C17orf75: variants seen among roughly 807,000 people sequenced by gnomAD.
C17orf75 encodes protein Njmu-R1.
A neutral mutation model predicts 49.6 loss-of-function variants in C17orf75; 32 were observed. That is an observed-to-expected ratio of 0.65 (90% CI 0.49 to 0.87). The LOEUF (loss-of-function observed/expected upper bound fraction) is 0.87. C17orf75 is among the 40% of genes least tolerant of loss of function. C17orf75 has a pLI of 0.00. For missense variants in C17orf75, 428 were observed against 473.9 expected (o/e 0.90, Z 0.90); for synonymous variants, 158 against 159.5 (o/e 0.99, Z 0.07).
In C17orf75 at chr17:32,331,615, T is replaced by TAA. The variant is rs1467625867; in HGVS notation, c.*146_*147dup. The TAA allele has an allele frequency of 1.5e-6, 1 of 671,836 alleles. No individual in the cohort carries two copies. Among genetic ancestry groups the TAA allele is most frequent in the Non-Finnish European group, 2.5e-6 (1 of 399,684 alleles). The allele number at this position is 671,836 out of a possible 1,614,324, so 41.6% of individuals were successfully genotyped here. A position where few individuals can be genotyped will look rare whatever the true frequency, so the allele number is the denominator to read the frequency against. On this transcript the variant is annotated 3_prime_UTR_variant, in exon 10 of 10. Coordinates refer to ENST00000577809, the MANE Select transcript of C17orf75 (RefSeq NM_022344.4). Reference sequence around the variant, plus strand: ...TGAAGATGTTCTTCAGATTTTTATTTAAGTTAAATTGGTAAAATACAAAAA... The same window carrying TAA: ...TGAAGATGTTCTTCAGATTTTTATTTAAAAGTTAAATTGGTAAAATACAAAAA...
chr17:32,334,132 T>C (rs968737098), intron 8 of C17orf75, among the ~76,000 whole-genome samples: 1 of 152,228 alleles, frequency 6.6e-6, no homozygotes, highest in African/African-American at 2.4e-5. Context: ...TTCCATTGCA[T>C]GAATATAGCA....
intron 2 of C17orf75, 181 bp downstream of exon 2, chr17:32,341,022 TG>T: frequency 1.6e-6 from 1 of 637,998 alleles, no homozygotes. Flanking sequence ...TGGATTTGTT[TG>T]CCCCAGCCTT....
chr17:32,333,738 G>C (rs2041299161), intron 8 of C17orf75, among the ~76,000 whole-genome samples: 1 of 152,014 alleles, frequency 6.6e-6, no homozygotes, highest in African/African-American at 2.4e-5. Flanking sequence ...CAAAGTGCTG[G>C]GATTACATGT....
chr17:32,338,122 G>T, intron 4 of C17orf75, 86 bp downstream of exon 4: 2 of 1,568,034 alleles, frequency 1.3e-6, no homozygotes, highest in Non-Finnish European at 1.7e-6. Context: ...GAGTAGAAAA[G>T]CTTTTTGGAG....
At chr17:32,349,294 TTTC>T (rs1266995317) in intron 1 of C17orf75, among the ~76,000 whole-genome samples, 2 of 152,090 alleles carry the variant, frequency 1.3e-5, no homozygotes, top group African/African-American at 4.8e-5. Flanking sequence ...TCAAGAAACC[TTTC>T]TTATGTCGGG....
intron 3 of C17orf75, among the ~76,000 whole-genome samples, chr17:32,339,546 C>T (rs570066883): frequency 2.6e-5 from 4 of 151,946 alleles, no homozygotes; most frequent in South Asian, 2.1e-4. Flanking sequence ...GTAATCGGGC[C>T]GCTGCACTCC....
intron 2 of C17orf75, 116 bp downstream of exon 2, chr17:32,341,088 T>G (rs1392353931): frequency 9.2e-7 from 1 of 1,085,742 alleles, no homozygotes; most frequent in Non-Finnish European, 1.4e-6. Context: ...ATAGGAGGAA[T>G]TGACGGTTTG....
chr17:32,332,856 T>C (rs1199761910), intron 9 of C17orf75, among the ~76,000 whole-genome samples: 1 of 151,660 alleles, frequency 6.6e-6, no homozygotes, highest in South Asian at 2.1e-4. Flanking sequence ...GTCACCTAGG[T>C]CGGAGTGCAG....
Position 32,334,483 on chromosome 17 carries a change from T to C in C17orf75, c.857A>G (p.Gln286Arg), listed in dbSNP as rs1000211226. 3.1e-6 allele frequency: 5 copies of C among 1,611,954 alleles called. No homozygotes were observed. In the Admixed American group the frequency reaches 6.7e-5, roughly 22 times the overall value. Residue 286 changes from glutamine to arginine, a missense_variant, in exon 8 of 10, where the codon CAG becomes CGG. Transcript: ENST00000577809. ...TTGTAGCTCACCTGCATTGCAGAACTGAGGCTGGGAGCTGCTGCAATCGAT... is the reference window on the plus strand; with the variant it reads ...TTGTAGCTCACCTGCATTGCAGAACCGAGGCTGGGAGCTGCTGCAATCGAT... Reference protein sequence around the residue: ...VVIDCSSSQPQFCNAGSNRFC... With the variant: ...VVIDCSSSQPRFCNAGSNRFC...
chr17:32,348,944 C>G (rs898710932), intron 1 of C17orf75, among the ~76,000 whole-genome samples: 5 of 147,572 alleles, frequency 3.4e-5, no homozygotes, highest in African/African-American at 1.3e-4. Context: ...CGGCTCACTG[C>G]AACCTTCACC....
chr17:32,340,508 G>A (rs1453142469), intron 2 of C17orf75, among the ~76,000 whole-genome samples: 1 of 151,988 alleles, frequency 6.6e-6, no homozygotes, highest in Non-Finnish European at 1.5e-5. Flanking sequence ...AGCCGGGCGT[G>A]GTGGTGGGTG....
rs928314228 is a variant in C17orf75 at position 32,338,097 on chromosome 17, A to C, written c.491+111T>G. On this transcript the variant is annotated intron_variant, in intron 4 of 9. Transcript: ENST00000577809. ...ATGGCCACATGAAGGTATGAAATTC[A>C]ACTAAATACACGAGGAGTAGAAAAG... 3 of 1,528,854 alleles carry C rather than the reference A, an allele frequency of 2.0e-6. No homozygotes were observed. The African/African-American group carries it at 4.2e-5, about 21-fold the overall frequency. The allele number at this position is 1,528,854 out of a possible 1,614,324, so 94.7% of individuals were successfully genotyped here. A position where few individuals can be genotyped will look rare whatever the true frequency, so the allele number is the denominator to read the frequency against.
upstream of C17orf75, among the ~76,000 whole-genome samples, chr17:32,345,038 T>C (rs2041414789): frequency 6.6e-6 from 1 of 152,222 alleles, no homozygotes; most frequent in Admixed American, 6.6e-5. Flanking sequence ...TAGATTATGG[T>C]TTATTCTCTT....
At chr17:32,344,134 C>T, upstream of C17orf75, 2 of 540,778 alleles carry the variant, frequency 3.7e-6, no homozygotes, top group Non-Finnish European at 3.3e-6. Flanking sequence ...TTTGCCCAGA[C>T]TGAAAGCCAA....
intron 1 of C17orf75, among the ~76,000 whole-genome samples, chr17:32,349,282 C>T (rs1193035136): frequency 6.6e-6 from 1 of 152,072 alleles, no homozygotes; most frequent in Admixed American, 6.6e-5. Context: ...CCCGTTGACT[C>T]CTCAAGAAAC....
Position 32,334,818 on chromosome 17 carries a change from C to T in C17orf75, c.691G>A (p.Glu231Lys). ...GTTTTTTCATCTGATTCTTTAACTT[C>T]AACAGGAGTGTAACTCAAAGCCTAT... ...LHAALSYTPV[E>K]VKESDEKTKR... Residue 231 changes from glutamate (E) to lysine (K), a missense_variant, in exon 7 of 10, where the codon GAA (glutamate) becomes AAA (lysine). Glu to Lys is a moderately conservative substitution (Grantham distance 56). Transcript: ENST00000577809. 6.2e-7 allele frequency: 1 copy of T among 1,610,260 alleles called. No individual in the cohort carries two copies. The highest frequency in any genetic ancestry group is 8.5e-7 in the Non-Finnish European group (1 of 1,178,066).
At chr17:32,343,120 A>G (rs1011792885), upstream of C17orf75, among the ~76,000 whole-genome samples, 1 of 152,156 alleles carries the variant, frequency 6.6e-6, no homozygotes, top group Non-Finnish European at 1.5e-5. Context: ...CAAACCAAGG[A>G]ATGTCAAGGA....
upstream of C17orf75, among the ~76,000 whole-genome samples, chr17:32,345,263 G>T (rs1354626337): frequency 6.6e-6 from 1 of 151,840 alleles, no homozygotes; most frequent in African/African-American, 2.4e-5. Context: ...GGATCACAAG[G>T]TCAGGAGTTC....
chr17:32,348,758 C>T (rs2041448983), intron 1 of C17orf75, among the ~76,000 whole-genome samples: 1 of 152,080 alleles, frequency 6.6e-6, no homozygotes, highest in Non-Finnish European at 1.5e-5. Context: ...TCAGAGACTT[C>T]AGCTGAAATC....
Sources: allele counts gnomAD v4.1 joint callset (sites outside exome capture counted in the v4.1 genomes callset), GRCh38; gene constraint gnomAD v4.1.1; transcripts MANE v1.5; gene names NCBI Gene and HGNC (gene_info 2026-07-23, HGNC 2026-07-21).